CMIP: variants seen among roughly 807,000 people sequenced by gnomAD.
CMIP encodes the protein C-Maf-inducing protein.
CMIP carries 13 observed loss-of-function variants against 97.3 expected under a neutral mutation model. The ratio of observed to expected loss-of-function variants is 0.13; its 90% CI spans 0.09 to 0.21. CMIP has a LOEUF of 0.21. CMIP is among the 10% of genes least tolerant of loss of function. CMIP has a pLI of 1.00. For missense variants in CMIP, 847 were observed against 1,024.9 expected (o/e 0.83, Z 2.37); for synonymous variants, 538 against 436.3 (o/e 1.23, Z -2.91).
At chr16:81,684,876 C>G (rs961601724) in intron 10 of CMIP, among the ~76,000 whole-genome samples, 1 of 152,212 alleles carries the variant, frequency 6.6e-6, no homozygotes, top group Non-Finnish European at 1.5e-5. Context: ...TGCCTGTCCT[C>G]CCACCCCAGG....
chr16:81,551,720 A>G (rs2090662046), intron 1 of CMIP, among the ~76,000 whole-genome samples: 1 of 152,216 alleles, frequency 6.6e-6, no homozygotes, highest in South Asian at 2.1e-4. Flanking sequence ...GGAAATTGTC[A>G]CAGGGCCCTG....
At chr16:81,683,556 A>T (rs1055853041) in intron 10 of CMIP, among the ~76,000 whole-genome samples, 1 of 150,434 alleles carries the variant, frequency 6.6e-6, no homozygotes, top group Non-Finnish European at 1.5e-5. Context: ...AGTCTGGCTA[A>T]TTTTTGTATT....
intron 13 of CMIP, among the ~76,000 whole-genome samples, chr16:81,695,116 C>T (rs1480756285): frequency 1.3e-5 from 2 of 152,200 alleles, no homozygotes; most frequent in African/African-American, 4.8e-5. Context: ...GGGAAATGTG[C>T]ATGAGGCCCC....
chr16:81,670,330 G>A lies in CMIP; in HGVS notation c.929+85G>A. ...TTTACTCAGATATCCACGGGGGGCT[G>A]TCGTGTAATTAAATGAAGACTCCCT... On this transcript the variant is annotated intron_variant, in intron 8 of 20. Transcript: ENST00000537098. 2 of 1,395,766 alleles carry A rather than the reference G, an allele frequency of 1.4e-6. 1 individual carries two copies. The highest frequency in any genetic ancestry group is 2.0e-6 in the Non-Finnish European group (2 of 1,013,674). 86.5% of individuals were successfully genotyped at this position (1,395,766 alleles called of 1,614,324 possible). A position where few individuals can be genotyped will look rare whatever the true frequency, so the allele number is the denominator to read the frequency against.
intron 1 of CMIP, among the ~76,000 whole-genome samples, chr16:81,492,745 C>T (rs375547243): frequency 4.9e-4 from 74 of 151,644 alleles, no homozygotes; most frequent in African/African-American, 1.6e-3. Flanking sequence ...ACCACGGAAA[C>T]GGCAGGCAGC....
At position 81,670,270 on chromosome 16, in the gene CMIP, C is replaced by A. The variant is rs528074188; in HGVS notation, c.929+25C>A. 26 of 1,588,624 alleles carry A rather than the reference C, an allele frequency of 1.6e-5. No homozygotes were observed. In the East Asian group the frequency reaches 5.0e-4, roughly 31 times the overall value. ...GGTGGGTCTCCGGCGCGACGTCCCTCTGTGGCCTAGGAGCCACTTTCCTCT... is the reference window on the plus strand; with the variant it reads ...GGTGGGTCTCCGGCGCGACGTCCCTATGTGGCCTAGGAGCCACTTTCCTCT... On this transcript the variant is annotated intron_variant, in intron 8 of 20. Coordinates refer to ENST00000537098, the MANE Select transcript of CMIP (RefSeq NM_198390.3).
In CMIP at chr16:81,681,070, A is replaced by G. The variant is rs577753568; in HGVS notation, c.1388+2442A>G. Reference sequence around the variant, plus strand: ...GCAGGTGGGGGTCAGGGCCATCGCCAAGGGCCCAGGACAGTCAGGGCAAGC... The same window carrying G: ...GCAGGTGGGGGTCAGGGCCATCGCCGAGGGCCCAGGACAGTCAGGGCAAGC... On this transcript the variant is annotated intron_variant, in intron 10 of 20. Transcript: ENST00000537098. 7.9e-5 allele frequency among the ~76,000 whole-genome samples: 12 copies of G among 152,318 alleles called. No homozygotes were observed. The South Asian group carries it at 2.5e-3, about 32-fold the overall frequency.
intron 2 of CMIP, among the ~76,000 whole-genome samples, chr16:81,613,808 A>T (rs1006328520): frequency 6.6e-6 from 1 of 152,140 alleles, no homozygotes; most frequent in South Asian, 2.1e-4. Context: ...CCACCCATCC[A>T]TTTATCCATC....
intron 1 of CMIP, among the ~76,000 whole-genome samples, chr16:81,585,230 T>C (rs554280841): frequency 6.6e-6 from 1 of 152,326 alleles, no homozygotes; most frequent in African/African-American, 2.4e-5. Context: ...TAATCCCAGC[T>C]ACTCAGGAGG....
rs2089815752 is a variant in CMIP, at chr16:81,511,800, G to C, written c.300+66259G>C. On this transcript the variant is annotated intron_variant, in intron 1 of 20. Coordinates refer to ENST00000537098, the MANE Select transcript of CMIP (RefSeq NM_198390.3). ...TGGTCTCGAACTCCTGGGCTCAAGTGATCTGCCCACCTCTACCTCTCAAAG... is the reference window on the plus strand; with the variant it reads ...TGGTCTCGAACTCCTGGGCTCAAGTCATCTGCCCACCTCTACCTCTCAAAG... 3.3e-5 allele frequency among the ~76,000 whole-genome samples: 5 copies of C among 152,244 alleles called. No individual in the cohort carries two copies. In the South Asian group the frequency reaches 6.2e-4, roughly 19 times the overall value.
At chr16:81,569,201 G>T (rs2091038952) in intron 1 of CMIP, among the ~76,000 whole-genome samples, 1 of 152,200 alleles carries the variant, frequency 6.6e-6, no homozygotes, top group Admixed American at 6.5e-5. Context: ...TATCCCTTGA[G>T]AATATCTGTA....
chr16:81,489,151 C>G (rs544620734), intron 1 of CMIP, among the ~76,000 whole-genome samples: 6 of 152,316 alleles, frequency 3.9e-5, no homozygotes, highest in African/African-American at 1.4e-4. Context: ...GGGGAGCTCA[C>G]ATCCCTAGCT....
At chr16:81,686,168 G>T (rs757349977) in intron 10 of CMIP, among the ~76,000 whole-genome samples, 1 of 152,228 alleles carries the variant, frequency 6.6e-6, no homozygotes, top group Non-Finnish European at 1.5e-5. Flanking sequence ...CGCTGCAGAC[G>T]AGGTTTGCTG....
At chr16:81,449,702 G>A (rs984296059) in intron 1 of CMIP, among the ~76,000 whole-genome samples, 1 of 150,768 alleles carries the variant, frequency 6.6e-6, no homozygotes, top group African/African-American at 2.5e-5. Flanking sequence ...TTTGTCATAG[G>A]AGGATTTTGG....
chr16:81,652,434 AG>A lies in CMIP; in HGVS notation c.639+71del. On this transcript the variant is annotated intron_variant, in intron 4 of 20. Transcript: ENST00000537098. This position sits in a 1 kb window ranked among gnomAD's most constrained non-coding sequence, Gnocchi z 5.2. ...TCCACCGATCACCGGCTCCATGCCA[AG>A]CAGCAGGCGCAGGCAGAGCTCCGTG... The A allele has an allele frequency of 7.2e-7, 1 of 1,381,122 alleles. No individual in the cohort carries two copies. Among genetic ancestry groups the A allele is most frequent in the Non-Finnish European group, 1.0e-6 (1 of 992,304 alleles). 85.6% of individuals were successfully genotyped at this position (1,381,122 alleles called of 1,614,324 possible).
chr16:81,477,661 G>A (rs544817296), intron 1 of CMIP, among the ~76,000 whole-genome samples: 2 of 152,356 alleles, frequency 1.3e-5, no homozygotes, highest in South Asian at 4.1e-4. Flanking sequence ...CACAGCAGAA[G>A]CTTGTTTGTT....
At chr16:81,473,107 G>A (rs1907658942) in intron 1 of CMIP, among the ~76,000 whole-genome samples, 2 of 152,204 alleles carry the variant, frequency 1.3e-5, no homozygotes, top group African/African-American at 2.4e-5. Flanking sequence ...GCCTGCCTGC[G>A]GCCCCTGCCT....
At chr16:81,582,349 G>C (rs1268063736) in intron 1 of CMIP, among the ~76,000 whole-genome samples, 2 of 152,110 alleles carry the variant, frequency 1.3e-5, no homozygotes, top group Non-Finnish European at 2.9e-5. Flanking sequence ...CAGTCTCCTT[G>C]AGCGTGACAG....
At chr16:81,566,911 G>A (rs1338972939) in intron 1 of CMIP, among the ~76,000 whole-genome samples, 1 of 152,200 alleles carries the variant, frequency 6.6e-6, no homozygotes, top group Non-Finnish European at 1.5e-5. Flanking sequence ...CCAGTTATAG[G>A]AAGTTCAAGG....
Sources: gnomAD v4.1 joint callset for allele counts (sites outside exome capture counted in the v4.1 genomes callset) on GRCh38, gnomAD v4.1.1 for gene constraint, Gnocchi (gnomAD v3.1) non-coding constraint, MANE v1.5 for transcripts, NCBI Gene and HGNC (gene_info 2026-07-23, HGNC 2026-07-21) for gene names.